LAX1: variants seen among roughly 807,000 people sequenced by gnomAD.
LAX1 encodes the protein lymphocyte transmembrane adapter 1.
LAX1 carries 17 observed loss-of-function variants against 20.7 expected under a neutral mutation model. The ratio of observed to expected loss-of-function variants is 0.82; its 90% confidence interval spans 0.56 to 1.23. The LOEUF is 1.23. LAX1 is among the 50% of genes most tolerant of loss of function. The pLI, the probability that LAX1 is intolerant of heterozygous loss-of-function variation, is 0.00. For synonymous variants in LAX1, 165 were observed against 181.0 expected (o/e 0.91, Z 0.71); for missense variants, 470 against 487.0 (o/e 0.97, Z 0.33).
intron 1 of LAX1, chr1:203,769,781 G>A (rs1476220421): frequency 1.3e-5 from 2 of 151,658 alleles, no homozygotes; most frequent in African/African-American, 2.4e-5. Context: ...TGCGGGGGGG[G>A]GGGCGGCGGG....
intron 1 of LAX1, among the ~76,000 whole-genome samples, chr1:203,767,005 G>C (rs1420572006): frequency 6.6e-6 from 1 of 151,828 alleles, no homozygotes; most frequent in African/African-American, 2.4e-5. Flanking sequence ...GCAGGCATGT[G>C]CCACCACCCG....
At chr1:203,770,459 AAGGAAGGAAGGAAGGAAGG>A (rs1667389860) in intron 1 of LAX1, among the ~76,000 whole-genome samples, 1 of 10,508 alleles carries the variant, frequency 9.5e-5, no homozygotes, top group Non-Finnish European at 6.0e-4. Flanking sequence ...GAGAGAAAGG[AAGGAAGGAAGGAAGGAAGG>A]AAGGAAGGAA....
chr1:203,773,056 G>A (rs1179443742), intron 4 of LAX1, among the ~76,000 whole-genome samples: 4 of 152,138 alleles, frequency 2.6e-5, no homozygotes, highest in African/African-American at 9.7e-5. Flanking sequence ...CCTCAGGAGG[G>A]TATGCAAATA....
rs1553254324 is a variant in LAX1 at position 203,770,433 on chromosome 1, A to AG, written c.90-395_90-394insG. On this transcript the variant is annotated intron_variant, in intron 1 of 4. Coordinates refer to ENST00000442561, the MANE Select transcript of LAX1 (RefSeq NM_017773.4). Reference sequence around the variant, plus strand: ...TCCATCAAAAAGAAAGAAAGAAAGAAAGAGAGAGAGAGAGAGAGAGAAAGG... The same window carrying AG: ...TCCATCAAAAAGAAAGAAAGAAAGAAGAGAGAGAGAGAGAGAGAGAGAAAGG... Among the ~76,000 whole-genome samples the AG allele has an allele frequency of 2.2e-4, 10 of 44,922 alleles. 1 individual carries two copies. The highest frequency in any genetic ancestry group is 2.4e-4 in the Non-Finnish European group (5 of 20,468). 29.5% of individuals were successfully genotyped at this position (44,922 alleles called of 152,430 possible).
At chr1:203,765,686 G>T (rs749596999) in intron 1 of LAX1, 32 bp downstream of exon 1, 2 of 1,608,096 alleles carry the variant, frequency 1.2e-6, no homozygotes, top group African/African-American at 2.7e-5. Context: ...GCTCCACCCT[G>T]CCCTGATTTA....
chr1:203,766,008 T>C (rs1667298125), intron 1 of LAX1, among the ~76,000 whole-genome samples: 1 of 152,136 alleles, frequency 6.6e-6, no homozygotes, highest in African/African-American at 2.4e-5. Context: ...TTTCCAAGGA[T>C]GTGTTTTGAG....
intron 1 of LAX1, chr1:203,769,777 G>GGA (rs1667372252): frequency 6.6e-6 from 1 of 152,554 alleles, no homozygotes; most frequent in Non-Finnish European, 1.4e-5. Context: ...TTGGTGCGGG[G>GGA]GGGGGGGCGG....
chr1:203,770,433 A>AAGAG lies in LAX1; in HGVS notation c.90-377_90-374dup, dbSNP rs72071580. On this transcript the variant is annotated intron_variant, in intron 1 of 4. Transcript: ENST00000442561. ...TCCATCAAAAAGAAAGAAAGAAAGA[A>AAGAG]AGAGAGAGAGAGAGAGAGAGAAAGG... Among the ~76,000 whole-genome samples, 30 of 44,912 alleles carry AAGAG rather than the reference A, an allele frequency of 6.7e-4. 6 individuals are homozygous for AAGAG. The East Asian group carries it at 0.027, about 40-fold the overall frequency. 29.5% of individuals were successfully genotyped at this position (44,912 alleles called of 152,430 possible). A position where few individuals can be genotyped will look rare whatever the true frequency, so the allele number is the denominator to read the frequency against.
Position 203,774,472 on chromosome 1 carries a change from AC to A in LAX1, c.991del (p.His331MetfsTer29). ...HVEDKTDDPG[T>X]HVQCVKRTFL... ...CGAGGACAAGACAGATGATCCCGGG[AC>A]CCATGTCCAATGTGTCAAAAGGACA... On this transcript the variant is annotated frameshift_variant, in exon 5 of 5. Transcript: ENST00000442561. LOFTEE classifies it low-confidence loss of function (END_TRUNC). The A allele has an allele frequency of 5.0e-6, 8 of 1,614,210 alleles. No individual in the cohort carries two copies. Among genetic ancestry groups the A allele is most frequent in the Non-Finnish European group, 6.8e-6 (8 of 1,180,034 alleles).
Position 203,773,964 on chromosome 1 carries a change from C to A in LAX1, c.480C>A (p.Val160=), listed in dbSNP as rs1667465335. 6.2e-7 allele frequency: 1 copy of A among 1,613,698 alleles called. No homozygotes were observed. The highest frequency in any genetic ancestry group is 1.3e-5 in the African/African-American group (1 of 74,832). Residue 160 remains valine (V), a synonymous_variant, in exon 5 of 5, where the codon GTC becomes GTA. Transcript: ENST00000442561. Reference sequence around the variant, plus strand: ...TGGGTATCTATGACAACGCCATGGTCCCCCAGATGTGTGGGAACCTCACTC... The same window carrying A: ...TGGGTATCTATGACAACGCCATGGTACCCCAGATGTGTGGGAACCTCACTC... ...YAVGIYDNAM[V]PQMCGNLTPS...
rs762159311 is a variant in LAX1 at position 203,765,590 on chromosome 1, TC to T, written c.26del (p.Ser9Ter). MDGVTPTL[S>X]TIRGRTLESS... ...AATGGATGGTGTCACTCCAACCCTT[TC>T]GACAATCAGAGGGAGGACCTTGGAG... On this transcript the variant is annotated frameshift_variant, in exon 1 of 5. Transcript: ENST00000442561. LOFTEE classifies it high-confidence loss of function. The T allele has an allele frequency of 6.2e-7, 1 of 1,614,032 alleles. No individual in the cohort carries two copies. The highest frequency in any genetic ancestry group is 1.3e-5 in the African/African-American group (1 of 74,928).
intron 4 of LAX1, 59 bp downstream of exon 4, chr1:203,772,206 G>A: frequency 1.5e-6 from 2 of 1,291,848 alleles, no homozygotes; most frequent in African/African-American, 1.5e-5. Context: ...TGCGGGGAAA[G>A]AGTTATAGGG....
chr1:203,765,511 A>G lies in LAX1; in HGVS notation c.-55A>G. ...TAGACATGCTGGCTAACTGATTATG[A>G]TTAAGAGAAACTTAGAAGCTGAAGC... On this transcript the variant is annotated 5_prime_UTR_variant, in exon 1 of 5. Coordinates refer to ENST00000442561, the MANE Select transcript of LAX1 (RefSeq NM_017773.4). 1 of 1,609,850 alleles carries G rather than the reference A, an allele frequency of 6.2e-7. No individual in the cohort carries two copies.
rs1667472695 is a variant in LAX1 at position 203,774,285 on chromosome 1, CT to C, written c.802del (p.Tyr268MetfsTer4). 2 of 1,614,164 alleles carry C rather than the reference CT, an allele frequency of 1.2e-6. No individual in the cohort carries two copies. The highest frequency in any genetic ancestry group is 8.5e-7 in the Non-Finnish European group (1 of 1,180,046). ...GEGSSQISND[Y>X]VNMTGLDLSA... The stretch of plus-strand genomic sequence containing the variant: ...AAGGTTCTTCTCAGATCTCAAATGA[CT>C]ATGTCAACATGACAGGGTTGGATCT... On this transcript the variant is annotated frameshift_variant, in exon 5 of 5. Coordinates refer to ENST00000442561, the MANE Select transcript of LAX1 (RefSeq NM_017773.4). LOFTEE classifies it low-confidence loss of function (END_TRUNC).
intron 1 of LAX1, among the ~76,000 whole-genome samples, chr1:203,767,303 C>CTATTTTTTTTTTTT (rs1667320996): frequency 1.1e-5 from 1 of 90,450 alleles, no homozygotes; most frequent in African/African-American, 4.7e-5. Flanking sequence ...CTCTCCACTT[C>CTATTTTTTTTTTTT]TTTTTTTTTT....
Position 203,770,967 on chromosome 1 carries a change from C to T in LAX1, c.199+30C>T, listed in dbSNP as rs1439001735. 13 of 1,492,652 alleles carry T rather than the reference C, an allele frequency of 8.7e-6. No individual in the cohort carries two copies. The African/African-American group carries it at 1.1e-4, about 13-fold the overall frequency. 92.5% of individuals were successfully genotyped at this position (1,492,652 alleles called of 1,614,324 possible). ...GTCCCTTGTTTGTCCTGAGTTGAGA[C>T]ACAGTAGGATTATTAATCTAGGCTG... On this transcript the variant is annotated intron_variant, in intron 2 of 4. Transcript: ENST00000442561.
In LAX1 at chr1:203,774,761, C is replaced by T. The variant is rs1667484802; in HGVS notation, c.*80C>T. 1.1e-5 allele frequency: 13 copies of T among 1,162,662 alleles called. No homozygotes were observed. Among genetic ancestry groups the T allele is most frequent in the East Asian group, 2.4e-5 (1 of 41,402 alleles). 72.0% of individuals were successfully genotyped at this position (1,162,662 alleles called of 1,614,324 possible). On this transcript the variant is annotated 3_prime_UTR_variant, in exon 5 of 5. Transcript: ENST00000442561. ...ACTACTGCAGAGTCTAGTGCAGACCCGTGATCACCTTAGTGCTTCAGTGGA... is the reference window on the plus strand; with the variant it reads ...ACTACTGCAGAGTCTAGTGCAGACCTGTGATCACCTTAGTGCTTCAGTGGA...
intron 1 of LAX1, among the ~76,000 whole-genome samples, chr1:203,769,243 T>G (rs932263580): frequency 1.3e-5 from 2 of 151,168 alleles, no homozygotes; most frequent in Non-Finnish European, 2.9e-5. Flanking sequence ...ACAAAAAAAA[T>G]TAGCCGGGCG....
chr1:203,765,701 G>A (rs769154510), intron 1 of LAX1, 47 bp downstream of exon 1: 43 of 1,571,060 alleles, frequency 2.7e-5, no homozygotes, highest in Non-Finnish European at 3.6e-5. Flanking sequence ...GATTTAGGCA[G>A]AAGGTCCTAG....
Sources: gnomAD v4.1 joint callset for allele counts (sites outside exome capture counted in the v4.1 genomes callset) on GRCh38, gnomAD v4.1.1 for gene constraint, MANE v1.5 for transcripts, NCBI Gene and HGNC (gene_info 2026-07-23, HGNC 2026-07-21) for gene names.